The following FNDC3A variants were observed in gnomAD, a reference collection of about 807,000 sequenced individuals.
The protein encoded by FNDC3A is fibronectin type III domain containing 3A.
In FNDC3A, 32 loss-of-function variants were observed where a neutral mutation model predicts 148.9. That is an observed-to-expected ratio of 0.21 (90% CI 0.16 to 0.29). The LOEUF is 0.29. FNDC3A is among the 10% of genes least tolerant of loss of function. The pLI, the probability that FNDC3A is intolerant of heterozygous loss-of-function variation, is 1.00. For synonymous variants in FNDC3A, 472 were observed against 473.6 expected, an observed-to-expected ratio of 1.00 and a Z score of 0.04; for missense variants, 1,191 against 1,452.8, an observed-to-expected ratio of 0.82 and a Z score of 2.93.
At chr13:48,990,002 C>G (rs185499921) in intron 1 of FNDC3A, among the ~76,000 whole-genome samples, 98 of 152,086 alleles carry the variant, frequency 6.4e-4, no homozygotes, top group African/African-American at 2.0e-3. Flanking sequence ...CGCCCACCTT[C>G]GCCTCCCAAA....
chr13:49,055,786 A>G (rs568138886), intron 2 of FNDC3A, among the ~76,000 whole-genome samples: 1 of 152,300 alleles, frequency 6.6e-6, no homozygotes, highest in African/African-American at 2.4e-5. Flanking sequence ...AAATGTATAA[A>G]ACTAGGCTGT....
At chr13:49,170,261 A>G (rs1020375705) in intron 10 of FNDC3A, among the ~76,000 whole-genome samples, 2 of 152,166 alleles carry the variant, frequency 1.3e-5, no homozygotes, top group African/African-American at 2.4e-5. Context: ...TTAAACAGGT[A>G]ACATCTAAAT....
At chr13:48,998,303 T>C (rs1952059883) in intron 1 of FNDC3A, among the ~76,000 whole-genome samples, 1 of 152,114 alleles carries the variant, frequency 6.6e-6, no homozygotes, top group Admixed American at 6.5e-5. Context: ...ATCCCTAAAT[T>C]AAAAATCCGA....
At chr13:49,049,836 TG>T (rs1226675272) in intron 2 of FNDC3A, among the ~76,000 whole-genome samples, 2 of 152,058 alleles carry the variant, frequency 1.3e-5, no homozygotes, top group East Asian at 1.9e-4. Context: ...TCATCTGCCT[TG>T]GCCTCCTGAG....
Position 49,075,342 on chromosome 13 carries a change from T to C in FNDC3A, c.153T>C (p.Asp51=). 2 of 1,602,930 alleles carry C rather than the reference T, an allele frequency of 1.2e-6. No individual in the cohort carries two copies. The highest frequency in any genetic ancestry group is 1.7e-6 in the Non-Finnish European group (2 of 1,170,422). The change falls in exon 3 of 26, where the codon GAT becomes GAC. Residue 51 remains aspartate, a synonymous_variant. Transcript: ENST00000492622. The part of the protein sequence containing the change: ...PGEAFTIRRE[D]GQFQCITGPA... ...AAGCATTTACAATAAGAAGAGAAGA[T>C]GGACAGTTTCAGTGCATTACAGGTA...
intron 19 of FNDC3A, among the ~76,000 whole-genome samples, chr13:49,194,138 C>T (rs545885257): frequency 1.1e-4 from 16 of 152,128 alleles, no homozygotes; most frequent in Admixed American, 1.0e-3. Flanking sequence ...GTACCCACAC[C>T]TGTAGTCCCA....
At chr13:49,058,889 G>A (rs1876450386) in intron 2 of FNDC3A, among the ~76,000 whole-genome samples, 1 of 152,002 alleles carries the variant, frequency 6.6e-6, no homozygotes, top group Non-Finnish European at 1.5e-5. Context: ...CTTTTGAAAT[G>A]GTTCACTCTT....
At chr13:48,983,006 A>G (rs1056327613) in intron 1 of FNDC3A, among the ~76,000 whole-genome samples, 3 of 152,138 alleles carry the variant, frequency 2.0e-5, no homozygotes, top group Non-Finnish European at 2.9e-5. Flanking sequence ...ATACCTAATC[A>G]TTGTCACTCA....
intron 2 of FNDC3A, among the ~76,000 whole-genome samples, chr13:49,074,105 GT>G (rs1035674804): frequency 2.6e-5 from 4 of 151,932 alleles, no homozygotes; most frequent in African/African-American, 9.7e-5. Flanking sequence ...ATTTCCATAG[GT>G]TTTTGGGGAA....
At chr13:48,975,678 C>A (rs1266820827), upstream of FNDC3A, 2 of 152,208 alleles carry the variant, frequency 1.3e-5, no homozygotes, top group Non-Finnish European at 2.9e-5. Flanking sequence ...GATGCTACCA[C>A]AAGCCAGGCG....
At chr13:48,982,662 G>T (rs905019437) in intron 1 of FNDC3A, among the ~76,000 whole-genome samples, 4 of 152,158 alleles carry the variant, frequency 2.6e-5, no homozygotes, top group Admixed American at 6.5e-5. Context: ...AATTCCTGCT[G>T]CATTAATTAT....
At chr13:49,051,838 C>A (rs761606017) in intron 2 of FNDC3A, among the ~76,000 whole-genome samples, 2 of 152,120 alleles carry the variant, frequency 1.3e-5, no homozygotes, top group Non-Finnish European at 2.9e-5. Context: ...TTAACATAGT[C>A]CCAAACTTCT....
intron 1 of FNDC3A, among the ~76,000 whole-genome samples, chr13:48,984,175 A>T (rs1004689860): frequency 6.6e-5 from 10 of 152,344 alleles, no homozygotes; most frequent in African/African-American, 2.4e-4. Flanking sequence ...ATGTGAAGAA[A>T]ACTGCAAAAA....
chr13:49,168,783 G>A, intron 10 of FNDC3A, 32 bp downstream of exon 10: 1 of 1,596,566 alleles, frequency 6.3e-7, no homozygotes, highest in Non-Finnish European at 8.6e-7. Flanking sequence ...TTTCCAACTG[G>A]ACATGTGTTT....
chr13:49,178,960 C>T (rs1885169093), intron 14 of FNDC3A, among the ~76,000 whole-genome samples: 2 of 152,184 alleles, frequency 1.3e-5, no homozygotes, highest in African/African-American at 4.8e-5. Flanking sequence ...CTCCTCGGTT[C>T]AAGTGATCTT....
chr13:49,152,075 C>A (rs547173862), intron 8 of FNDC3A, among the ~76,000 whole-genome samples: 40 of 152,260 alleles, frequency 2.6e-4, no homozygotes, highest in Non-Finnish European at 4.1e-4. Context: ...GATTAATAAT[C>A]CTTTGTGTAT....
At chr13:49,135,180 A>G (rs1385647931) in intron 5 of FNDC3A, among the ~76,000 whole-genome samples, 2 of 151,958 alleles carry the variant, frequency 1.3e-5, no homozygotes, top group Non-Finnish European at 2.9e-5. Flanking sequence ...CTTTGGAGAA[A>G]TGTCTATTTG....
intron 7 of FNDC3A, among the ~76,000 whole-genome samples, chr13:49,139,548 T>C (rs145122417): frequency 1.4e-3 from 213 of 152,320 alleles, no homozygotes; most frequent in African/African-American, 5.0e-3. Flanking sequence ...TATCTTGCCA[T>C]GTTTTAGGAT....
chr13:49,191,250 A>G lies in FNDC3A; in HGVS notation c.2092A>G (p.Ser698Gly), dbSNP rs1202938768. The change falls in exon 19 of 26, where the codon AGT becomes GGT. Residue 698 changes from serine (S) to glycine (G), a missense_variant. Coordinates refer to ENST00000492622, the MANE Select transcript of FNDC3A (RefSeq NM_001079673.2). ...VDGGSPISCY[S>G]VEMSPIEKDE... ...TGGTGGATCACCCATTTCCTGTTAC[A>G]GTGTGGAAATGTCTCCTATAGAAAA... 1.2e-6 allele frequency: 2 copies of G among 1,611,758 alleles called. No homozygotes were observed. Among genetic ancestry groups the G allele is most frequent in the Non-Finnish European group, 1.7e-6 (2 of 1,179,280 alleles).
Sources: gnomAD v4.1 joint callset for allele counts (sites outside exome capture counted in the v4.1 genomes callset) on GRCh38, gnomAD v4.1.1 for gene constraint, MANE v1.5 for transcripts, NCBI Gene and HGNC (gene_info 2026-07-23, HGNC 2026-07-21) for gene names.